Variants in EPC2 observed in about 807,000 individuals in gnomAD.
EPC2 encodes the protein enhancer of polycomb homolog 2.
Under a neutral mutation model 92.1 loss-of-function variants are expected in EPC2, and 14 were observed. That is an observed-to-expected ratio of 0.15 (90% CI 0.10 to 0.24). The LOEUF is 0.24. EPC2 is among the 10% of genes least tolerant of loss of function. EPC2 has a pLI of 1.00. For synonymous variants in EPC2, 340 were observed against 334.7 expected, an observed-to-expected ratio of 1.02 and a Z score of -0.17; for missense variants, 755 against 971.5, an observed-to-expected ratio of 0.78 and a Z score of 2.96.
At chr2:148,697,041 A>T (rs1401665990) in intron 2 of EPC2, among the ~76,000 whole-genome samples, 1 of 152,224 alleles carries the variant, frequency 6.6e-6, no homozygotes, top group Non-Finnish European at 1.5e-5. Context: ...TTTGTATGCT[A>T]AGCCAATTAT....
At chr2:148,683,551 C>T (rs2105367920) in intron 1 of EPC2, among the ~76,000 whole-genome samples, 1 of 152,280 alleles carries the variant, frequency 6.6e-6, no homozygotes, top group East Asian at 1.9e-4. Flanking sequence ...CAGCTGTGAG[C>T]CACCACACCT....
rs562061291 is a variant in EPC2 at position 148,783,462 on chromosome 2, G to A, written c.1858-135G>A. On this transcript the variant is annotated intron_variant, in intron 11 of 13. Coordinates refer to ENST00000258484, the MANE Select transcript of EPC2 (RefSeq NM_015630.4). ...TATGCCAAAAATCATCTATGGAATC[G>A]TAGATCGCTTAATCTAAACACTTGT... The A allele has an allele frequency of 2.0e-3, 1,477 of 721,970 alleles. 2 individuals carry two copies. The highest frequency in any genetic ancestry group is 2.9e-3 in the Non-Finnish European group (1,330 of 462,664). 44.7% of individuals were successfully genotyped at this position (721,970 alleles called of 1,614,324 possible). A position where few individuals can be genotyped will look rare whatever the true frequency, so the allele number is the denominator to read the frequency against.
At chr2:148,756,017 G>GAATACTTAAGATTAAGAATACTT (rs1683183879) in intron 4 of EPC2, among the ~76,000 whole-genome samples, 1 of 152,164 alleles carries the variant, frequency 6.6e-6, no homozygotes, top group Non-Finnish European at 1.5e-5. Flanking sequence ...AATGGGTATG[G>GAATACTTAAGATTAAGAATACTT]AATACTTAAG....
intron 2 of EPC2, among the ~76,000 whole-genome samples, chr2:148,733,807 T>G (rs1204556978): frequency 6.6e-6 from 1 of 152,146 alleles, no homozygotes; most frequent in Admixed American, 6.6e-5. Flanking sequence ...TTATTACTTT[T>G]AAAATTATCC....
In EPC2 at chr2:148,787,017, T is replaced by C. The variant is rs1431521127; in HGVS notation, c.*640T>C. ...GCAAATTTAATGTAGTAACTCACTTTTCCATATATTTTGAATGTATATTTC... is the reference window on the plus strand; with the variant it reads ...GCAAATTTAATGTAGTAACTCACTTCTCCATATATTTTGAATGTATATTTC... On this transcript the variant is annotated 3_prime_UTR_variant, in exon 14 of 14. Coordinates refer to ENST00000258484, the MANE Select transcript of EPC2 (RefSeq NM_015630.4). 1 of 152,676 alleles carries C rather than the reference T, an allele frequency of 6.5e-6. No individual in the cohort carries two copies. The highest frequency in any genetic ancestry group is 1.5e-5 in the Non-Finnish European group (1 of 68,036). The allele number at this position is 152,676 out of a possible 1,614,324, so 9.5% of individuals were successfully genotyped here.
chr2:148,743,855 T>C (rs1682930846), intron 3 of EPC2, 88 bp downstream of exon 3: 12 of 1,051,002 alleles, frequency 1.1e-5, no homozygotes, highest in Non-Finnish European at 1.6e-5. Flanking sequence ...TTTTACTGTT[T>C]CTTGGATTTC....
intron 1 of EPC2, among the ~76,000 whole-genome samples, chr2:148,673,080 A>T (rs921695336): frequency 1.3e-4 from 20 of 152,170 alleles, no homozygotes; most frequent in Non-Finnish European, 2.8e-4. Flanking sequence ...TCCCTTGTAC[A>T]TGACAAGTTG....
chr2:148,696,520 A>T (rs1031861933), intron 2 of EPC2, among the ~76,000 whole-genome samples: 7 of 152,212 alleles, frequency 4.6e-5, no homozygotes, highest in Admixed American at 4.6e-4. Flanking sequence ...GAATAAAGAC[A>T]CTATAATAAG....
chr2:148,647,998 C>G (rs1683839178), intron 1 of EPC2, among the ~76,000 whole-genome samples: 1 of 152,230 alleles, frequency 6.6e-6, no homozygotes, highest in Non-Finnish European at 1.5e-5. Context: ...GAGTGCTAAA[C>G]TTGGATACTT....
intron 2 of EPC2, among the ~76,000 whole-genome samples, chr2:148,709,755 C>T (rs1389567208): frequency 6.6e-6 from 1 of 152,118 alleles, no homozygotes; most frequent in Non-Finnish European, 1.5e-5. Context: ...AAAAGGATTC[C>T]CTATTTAATA....
chr2:148,677,964 G>A (rs1390319407), intron 1 of EPC2, among the ~76,000 whole-genome samples: 1 of 152,130 alleles, frequency 6.6e-6, no homozygotes, highest in Non-Finnish European at 1.5e-5. Flanking sequence ...AAAGAACAAA[G>A]CTTCCACAGT....
chr2:148,665,022 C>T (rs1681031084), intron 1 of EPC2, among the ~76,000 whole-genome samples: 1 of 152,166 alleles, frequency 6.6e-6, no homozygotes, highest in Admixed American at 6.5e-5. Context: ...CAGAGTGGTT[C>T]TACCATAAAG....
chr2:148,740,065 C>T (rs1307905285), intron 2 of EPC2, among the ~76,000 whole-genome samples: 2 of 151,670 alleles, frequency 1.3e-5, no homozygotes, highest in African/African-American at 4.8e-5. Flanking sequence ...AACTAACCCA[C>T]TATTTGTAAG....
chr2:148,671,854 T>C (rs1427677302), intron 1 of EPC2, among the ~76,000 whole-genome samples: 1 of 152,120 alleles, frequency 6.6e-6, no homozygotes, highest in African/African-American at 2.4e-5. Flanking sequence ...AGGAGGAATT[T>C]TTTTTTTTGG....
chr2:148,673,905 T>A (rs1219177972), intron 1 of EPC2, among the ~76,000 whole-genome samples: 1 of 152,234 alleles, frequency 6.6e-6, no homozygotes, highest in Non-Finnish European at 1.5e-5. Context: ...TATTTACTTG[T>A]CTATCATTGT....
chr2:148,731,561 C>T (rs1334708054), intron 2 of EPC2, among the ~76,000 whole-genome samples: 1 of 152,156 alleles, frequency 6.6e-6, no homozygotes, highest in Non-Finnish European at 1.5e-5. Context: ...CACCACCACA[C>T]CCAGCTAATT....
intron 1 of EPC2, among the ~76,000 whole-genome samples, chr2:148,669,276 A>G (rs1290059153): frequency 6.6e-6 from 1 of 152,104 alleles, no homozygotes; most frequent in Admixed American, 6.5e-5. Flanking sequence ...TGGATTGAAT[A>G]TTTTTAATGA....
At chr2:148,722,244 C>T (rs923962598) in intron 2 of EPC2, among the ~76,000 whole-genome samples, 2 of 152,104 alleles carry the variant, frequency 1.3e-5, no homozygotes, top group Non-Finnish European at 1.5e-5. Context: ...TTCACCAGTG[C>T]TTCTCAGTTT....
chr2:148,687,761 C>T (rs1681557976), intron 1 of EPC2, among the ~76,000 whole-genome samples: 2 of 152,078 alleles, frequency 1.3e-5, no homozygotes, highest in South Asian at 4.1e-4. Flanking sequence ...GCTTGTTTGC[C>T]CACTTCCTCA....
Sources: gnomAD v4.1 joint callset for allele counts (sites outside exome capture counted in the v4.1 genomes callset) on GRCh38, gnomAD v4.1.1 for gene constraint, MANE v1.5 for transcripts, NCBI Gene and HGNC (gene_info 2026-07-23, HGNC 2026-07-21) for gene names.